GATA3: variants seen among roughly 807,000 people sequenced by gnomAD.
The protein encoded by GATA3 is trans-acting T-cell-specific transcription factor GATA-3.
Under a neutral mutation model 36.0 loss-of-function variants are expected in GATA3, and 6 were observed. The ratio of observed to expected loss-of-function variants is 0.17; its 90% CI spans 0.09 to 0.33. The LOEUF (loss-of-function observed/expected upper bound fraction) is 0.33, where lower values mean the gene tolerates loss of function less well. Ranked by LOEUF, GATA3 falls within the 10% of genes least tolerant of loss-of-function variation. GATA3 has a pLI of 1.00. For synonymous variants in GATA3, 326 were observed against 273.0 expected, an observed-to-expected ratio of 1.19 and a Z score of -1.92; for missense variants, 514 against 610.1, an observed-to-expected ratio of 0.84 and a Z score of 1.66.
At chr10:8,047,907 A>G (rs933392591) in intron 1 of GATA3, among the ~76,000 whole-genome samples, 5 of 151,800 alleles carry the variant, frequency 3.3e-5, no homozygotes, top group African/African-American at 1.2e-4. Flanking sequence ...GGGCACAAAC[A>G]TGGATTTTTT....
At chr10:8,059,898 A>G (rs1432724004) in intron 3 of GATA3, among the ~76,000 whole-genome samples, 1 of 152,190 alleles carries the variant, frequency 6.6e-6, no homozygotes, top group Non-Finnish European at 1.5e-5. Context: ...TCCATTTCAG[A>G]GTGGGCATCT....
chr10:8,067,741 C>T (rs181741335), intron 4 of GATA3, among the ~76,000 whole-genome samples: 1 of 152,300 alleles, frequency 6.6e-6, no homozygotes, highest in East Asian at 1.9e-4. Context: ...TGGTGTGAAC[C>T]CAGGAGGCGG....
chr10:8,062,044 C>T (rs555298010), intron 3 of GATA3, among the ~76,000 whole-genome samples: 159 of 152,312 alleles, frequency 1.0e-3, no homozygotes, highest in Middle Eastern at 0.01. Context: ...GGCAGGCCTG[C>T]GGCCTGGCTT....
Position 8,055,832 on chromosome 10 carries a change from C to A in GATA3, c.177C>A (p.His59Gln). ...VLFNIDGQGN[H>Q]VPPYYGNSVR... ...TTAACATCGACGGTCAAGGCAACCACGTCCCGCCCTACTACGGAAACTCGG... is the reference window on the plus strand; with the variant it reads ...TTAACATCGACGGTCAAGGCAACCAAGTCCCGCCCTACTACGGAAACTCGG... The change falls in exon 2 of 6, where the codon CAC (histidine) becomes CAA (glutamine). Residue 59 changes from histidine to glutamine, a missense_variant. Physicochemically the swap from His to Gln is conservative, Grantham distance 24 (BLOSUM62 0). Coordinates refer to ENST00000379328, the MANE Select transcript of GATA3 (RefSeq NM_001002295.2). The surrounding 1 kb of genome is among the most constrained non-coding windows in gnomAD (Gnocchi z 5.4). 1 of 1,587,668 alleles carries A rather than the reference C, an allele frequency of 6.3e-7. No individual in the cohort carries two copies.
chr10:8,059,495 A>C (rs1267997375), intron 3 of GATA3, among the ~76,000 whole-genome samples: 2 of 152,182 alleles, frequency 1.3e-5, no homozygotes, highest in African/African-American at 4.8e-5. Context: ...CGCCTGGCCC[A>C]GTTAGTTACC....
rs1219604803 is a variant in GATA3, at chr10:8,073,721, A to C, written c.1051-18A>C. On this transcript the variant is annotated intron_variant, in intron 5 of 5. Transcript: ENST00000379328. ...GCAAAAAAGTAAAAAAAAAAAAAAA[A>C]AATTGATCTTTGTTTAGATTAACAG... 6.2e-7 allele frequency: 1 copy of C among 1,600,516 alleles called. No homozygotes were observed. The highest frequency in any genetic ancestry group is 1.4e-5 in the African/African-American group (1 of 73,782).
At chr10:8,065,364 TCTC>T (rs1832819540) in intron 4 of GATA3, among the ~76,000 whole-genome samples, 1 of 147,640 alleles carries the variant, frequency 6.8e-6, no homozygotes, top group South Asian at 2.2e-4. Context: ...TTCAAGCAAT[TCTC>T]CTGTCTCAGC....
At chr10:8,069,427 T>G (rs1237041596) in intron 4 of GATA3, 46 bp from the exon 5 acceptor site, 1 of 1,584,696 alleles carries the variant, frequency 6.3e-7, no homozygotes, top group African/African-American at 1.3e-5. Context: ...GACAACACAT[T>G]TAACATTTGT....
intron 4 of GATA3, among the ~76,000 whole-genome samples, chr10:8,065,199 T>C (rs1832815206): frequency 6.6e-6 from 1 of 152,056 alleles, no homozygotes; most frequent in Non-Finnish European, 1.5e-5. Context: ...CCCCATCAGA[T>C]TGTAGTGCAA....
chr10:8,046,238 A>G (rs1405089122), intron 1 of GATA3, among the ~76,000 whole-genome samples: 1 of 152,220 alleles, frequency 6.6e-6, no homozygotes, highest in Non-Finnish European at 1.5e-5. Context: ...CCCCCTGAAG[A>G]CAGATATTGT....
In GATA3 at chr10:8,055,391, C is replaced by T. The variant is rs1396149815; in HGVS notation, c.-265C>T. 2 of 557,668 alleles carry T rather than the reference C, an allele frequency of 3.6e-6. No homozygotes were observed. Among genetic ancestry groups the T allele is most frequent in the South Asian group, 2.1e-5 (1 of 48,672 alleles). 34.5% of individuals were successfully genotyped at this position (557,668 alleles called of 1,614,324 possible). A position where few individuals can be genotyped will look rare whatever the true frequency, so the allele number is the denominator to read the frequency against. On this transcript the variant is annotated 5_prime_UTR_variant, in exon 2 of 6. Transcript: ENST00000379328. The surrounding 1 kb of genome is among the most constrained non-coding windows in gnomAD (Gnocchi z 5.4). ...GTCGCCCCTTTTTACAACCTGGTCC[C>T]GTTTTATTCTGCCGTACCCAGTTTT...
Position 8,055,624 on chromosome 10 carries a change from C to A in GATA3, c.-32C>A, listed in dbSNP as rs761234617. 1.9e-6 allele frequency: 3 copies of A among 1,542,356 alleles called. No homozygotes were observed. Among genetic ancestry groups the A allele is most frequent in the Non-Finnish European group, 2.6e-6 (3 of 1,146,338 alleles). ...TCCCTCCCCGCGCGCGGGTTCCGGGCCCGGCGAGAGGGCGCGAGCACAGCC... is the reference window on the plus strand; with the variant it reads ...TCCCTCCCCGCGCGCGGGTTCCGGGACCGGCGAGAGGGCGCGAGCACAGCC... On this transcript the variant is annotated 5_prime_UTR_variant, in exon 2 of 6. Coordinates refer to ENST00000379328, the MANE Select transcript of GATA3 (RefSeq NM_001002295.2). This position sits in a 1 kb window ranked among gnomAD's most constrained non-coding sequence, Gnocchi z 5.4.
In GATA3 at chr10:8,074,281, A is replaced by AC; in HGVS notation, c.*258_*259insC. ...TTAACAGGGTCTCTAGTGCTGTGAA[A>AC]AAAAAAATGCTGAACATTGCATATA... On this transcript the variant is annotated 3_prime_UTR_variant, in exon 6 of 6. Coordinates refer to ENST00000379328, the MANE Select transcript of GATA3 (RefSeq NM_001002295.2). 1 of 510,510 alleles carries AC rather than the reference A, an allele frequency of 2.0e-6. No homozygotes were observed. Among genetic ancestry groups the AC allele is most frequent in the Non-Finnish European group, 3.5e-6 (1 of 289,314 alleles). 31.6% of individuals were successfully genotyped at this position (510,510 alleles called of 1,614,324 possible).
chr10:8,047,311 A>C (rs1218412787), intron 1 of GATA3, among the ~76,000 whole-genome samples: 1 of 152,212 alleles, frequency 6.6e-6, no homozygotes, highest in Non-Finnish European at 1.5e-5. Flanking sequence ...GCAGGGAATT[A>C]GGGATCCTGA....
chr10:8,050,943 G>A (rs758568988), upstream of GATA3: 1 of 470,894 alleles, frequency 2.1e-6, no homozygotes, highest in Non-Finnish European at 4.4e-6. Flanking sequence ...CGCTTCTCCC[G>A]GCACCTCGGC....
intron 2 of GATA3, among the ~76,000 whole-genome samples, chr10:8,056,692 C>A (rs2131484809): frequency 6.6e-6 from 1 of 152,224 alleles, no homozygotes; most frequent in African/African-American, 2.4e-5. Flanking sequence ...CTCCATTAGC[C>A]TCCCACCTAA....
intron 2 of GATA3, among the ~76,000 whole-genome samples, chr10:8,057,551 G>C (rs1175785664): frequency 1.3e-5 from 2 of 152,172 alleles, no homozygotes; most frequent in East Asian, 3.8e-4. Flanking sequence ...TTTAGGATTT[G>C]GGAGGGTGAG....
rs199565632 is a variant in GATA3 at position 8,058,765 on chromosome 10, C to T, written c.702C>T (p.Phe234=). The T allele has an allele frequency of 5.0e-6, 8 of 1,609,742 alleles. No homozygotes were observed. In the East Asian group the frequency reaches 1.6e-4, roughly 31 times the overall value. The stretch of plus-strand genomic sequence containing the variant: ...TGCCCGAGTACAGCTCCGGACTCTT[C>T]CCCCCCAGCAGCCTGCTGGGCGGCT... ...PYVPEYSSGL[F]PPSSLLGGSP... The change falls in exon 3 of 6, where the codon TTC becomes TTT. Residue 234 remains phenylalanine (F), a synonymous_variant. Transcript: ENST00000379328.
intron 3 of GATA3, among the ~76,000 whole-genome samples, chr10:8,059,344 C>T (rs1289035853): frequency 2.0e-5 from 3 of 152,206 alleles, no homozygotes; most frequent in East Asian, 1.9e-4. Context: ...CTTTATTAGA[C>T]GTGTAGACAC....
Sources: gnomAD v4.1 joint callset for allele counts (sites outside exome capture counted in the v4.1 genomes callset) on GRCh38, gnomAD v4.1.1 for gene constraint, Gnocchi (gnomAD v3.1) non-coding constraint, MANE v1.5 for transcripts, NCBI Gene and HGNC (gene_info 2026-07-23, HGNC 2026-07-21) for gene names.